Variants in KDM3A observed in about 807,000 individuals in gnomAD.
The protein encoded by KDM3A is lysine-specific demethylase 3A.
In KDM3A, 60 loss-of-function variants were observed where a neutral mutation model predicts 158.0. The observed-to-expected ratio is 0.38, with a 90% confidence interval of 0.31 to 0.47. The LOEUF (loss-of-function observed/expected upper bound fraction) is 0.47, where lower values mean the gene tolerates loss of function less well. KDM3A is among the 20% of genes least tolerant of loss of function. The pLI is 0.99. For missense variants in KDM3A, 1,319 were observed against 1,574.3 expected, an observed-to-expected ratio of 0.84 and a Z score of 2.74; for synonymous variants, 608 against 549.3, an observed-to-expected ratio of 1.11 and a Z score of -1.49.
rs545865755 is a variant in KDM3A, at chr2:86,461,407, A to G, written c.844-2646A>G. Among the ~76,000 whole-genome samples the G allele has an allele frequency of 7.2e-5, 11 of 152,214 alleles. No homozygotes were observed. In the South Asian group the frequency reaches 2.1e-3, roughly 29 times the overall value. ...CCTGTCACTTCAGGTAACTCATAAG[A>G]CTTATTGATTTATAGCTATTTAGAA... is the stretch of plus-strand genomic sequence containing the variant. On this transcript the variant is annotated intron_variant, in intron 8 of 25. Transcript: ENST00000312912.
At chr2:86,454,557 A>G (rs984854034) in intron 4 of KDM3A, among the ~76,000 whole-genome samples, 2 of 152,082 alleles carry the variant, frequency 1.3e-5, no homozygotes, top group African/African-American at 2.4e-5. Flanking sequence ...ATGGTCATCT[A>G]CCCCTGCTAG....
At chr2:86,437,682 T>G (rs1682513554), upstream of KDM3A, among the ~76,000 whole-genome samples, 1 of 152,350 alleles carries the variant, frequency 6.6e-6, no homozygotes, top group South Asian at 2.1e-4. Context: ...ATCTTCTTTA[T>G]ACATGTCAGC....
intron 2 of KDM3A, among the ~76,000 whole-genome samples, chr2:86,448,582 G>C (rs1683044927): frequency 6.6e-6 from 1 of 152,126 alleles, no homozygotes; most frequent in Non-Finnish European, 1.5e-5. Flanking sequence ...ACCTCTCTTG[G>C]GAGAGAGAGG....
chr2:86,491,121 T>G lies in KDM3A; in HGVS notation c.3751-20T>G, dbSNP rs201491398. On this transcript the variant is annotated intron_variant, in intron 24 of 25. Coordinates refer to ENST00000312912, the MANE Select transcript of KDM3A (RefSeq NM_018433.6). Reference sequence around the variant, plus strand: ...TGAACTTTTGGGTTTGTTACTGATATATTACTTGGTGTTTTTCAGGTTCAT... The same window carrying G: ...TGAACTTTTGGGTTTGTTACTGATAGATTACTTGGTGTTTTTCAGGTTCAT... 2 of 1,613,856 alleles carry G rather than the reference T, an allele frequency of 1.2e-6. No homozygotes were observed. The highest frequency in any genetic ancestry group is 8.5e-7 in the Non-Finnish European group (1 of 1,179,798).
intron 12 of KDM3A, among the ~76,000 whole-genome samples, chr2:86,475,996 G>A (rs1274889350): frequency 2.0e-5 from 3 of 152,210 alleles, no homozygotes; most frequent in Admixed American, 6.5e-5. Flanking sequence ...AAAGGGAATT[G>A]CGAGTGCCTG....
At chr2:86,453,608 A>G (rs1233545360) in intron 4 of KDM3A, among the ~76,000 whole-genome samples, 1 of 152,172 alleles carries the variant, frequency 6.6e-6, no homozygotes, top group African/African-American at 2.4e-5. Flanking sequence ...CTTTCCATTG[A>G]TACATACTTT....
chr2:86,439,713 A>G (rs1456055644), upstream of KDM3A, among the ~76,000 whole-genome samples: 1 of 152,108 alleles, frequency 6.6e-6, no homozygotes, highest in Non-Finnish European at 1.5e-5. Context: ...AAAATTTCTC[A>G]TCGTTCATAG....
chr2:86,481,526 T>G (rs1018864854), intron 16 of KDM3A, among the ~76,000 whole-genome samples: 7 of 152,140 alleles, frequency 4.6e-5, no homozygotes, highest in Non-Finnish European at 7.4e-5. Context: ...GTTTCTGTGT[T>G]CAAGAACAAG....
intron 21 of KDM3A, chr2:86,489,103 A>C (rs1036481068): frequency 3.4e-5 from 17 of 501,104 alleles, no homozygotes; most frequent in Non-Finnish European, 5.9e-5. Context: ...TGCTTTAACC[A>C]CTTCCATTTC....
intron 23 of KDM3A, chr2:86,490,519 G>GT (rs1674403123): frequency 6.1e-6 from 1 of 164,734 alleles, no homozygotes; most frequent in African/African-American, 2.4e-5. Context: ...GGACTGTTTC[G>GT]TAAGTCAGAT....
intron 16 of KDM3A, among the ~76,000 whole-genome samples, chr2:86,481,240 T>A (rs189362310): frequency 7.9e-5 from 12 of 152,292 alleles, no homozygotes; most frequent in East Asian, 1.9e-4. Context: ...TGAATTTTTT[T>A]AAAAATTTGT....
rs747679165 is a variant in KDM3A at position 86,463,943 on chromosome 2, A to G, written c.844-110A>G. The G allele has an allele frequency of 7.3e-5, 51 of 698,768 alleles. No homozygotes were observed. Among genetic ancestry groups the G allele is most frequent in the Middle Eastern group, 4.4e-4 (1 of 2,292 alleles). 43.3% of individuals were successfully genotyped at this position (698,768 alleles called of 1,614,324 possible). On this transcript the variant is annotated intron_variant, in intron 8 of 25. Transcript: ENST00000312912. ...CTTTCCTGTTTCTTTTTATTTGGCA[A>G]TGGTATTATGTTTGTTTAGTATTAA...
At chr2:86,458,577 T>C (rs1361092795) in intron 8 of KDM3A, among the ~76,000 whole-genome samples, 2 of 152,026 alleles carry the variant, frequency 1.3e-5, no homozygotes, top group African/African-American at 2.4e-5. Flanking sequence ...TTCCATAGGA[T>C]AGTGAGGGAG....
In KDM3A at chr2:86,489,435, A is replaced by G. The variant is rs769203001; in HGVS notation, c.3431A>G (p.Glu1144Gly). 2.5e-6 allele frequency: 4 copies of G among 1,613,900 alleles called. No individual in the cohort carries two copies. The highest frequency in any genetic ancestry group is 2.5e-6 in the Non-Finnish European group (3 of 1,179,894). The change falls in exon 22 of 26, where the codon GAA (glutamate) becomes GGA (glycine). Residue 1144 changes from glutamate (E) to glycine (G), a missense_variant and splice_region_variant. By Grantham distance (98) the Glu-to-Gly change is moderately conservative. Around this residue, in one of 4 missense-constraint regions of KDM3A, gnomAD observed 186 missense variants for 340.9 expected, o/e 0.55. Coordinates refer to ENST00000312912, the MANE Select transcript of KDM3A (RefSeq NM_018433.6). The stretch of plus-strand genomic sequence containing the variant: ...CCCAAAGGACAGTGTGAGCAAGAAG[A>G]AGGTAGGGTGCTGAGCATAAAAGGA... Reference protein sequence around the residue: ...GIPKGQCEQEEEVLKTIQDGD... With the variant: ...GIPKGQCEQEGEVLKTIQDGD...
chr2:86,442,401 C>T (rs957300250), intron 2 of KDM3A, 168 bp downstream of exon 2: 8 of 655,220 alleles, frequency 1.2e-5, no homozygotes, highest in Middle Eastern at 4.3e-4. Flanking sequence ...TTGTATAGAG[C>T]CGAGTTGTGT....
In KDM3A at chr2:86,464,215, G is replaced by A. The variant is rs1673040809; in HGVS notation, c.1006G>A (p.Gly336Arg). The change falls in exon 9 of 26, where the codon GGA becomes AGA. Residue 336 changes from glycine to arginine, a missense_variant and splice_region_variant. By Grantham distance (125) the Gly-to-Arg change is moderately radical (BLOSUM62 -2). Coordinates refer to ENST00000312912, the MANE Select transcript of KDM3A (RefSeq NM_018433.6). ...TAACCTTGGAGCAAAAATTCCTCAA[G>A]GGTGAGTAGTGATTTGTTAAAGATG... ...PPNLGAKIPQ[G>R]CHKQSLPEEI... is the part of the protein sequence containing the mutation. 2 of 1,576,284 alleles carry A rather than the reference G, an allele frequency of 1.3e-6. No individual in the cohort carries two copies. The highest frequency in any genetic ancestry group is 1.7e-6 in the Non-Finnish European group (2 of 1,160,070).
In KDM3A at chr2:86,466,001, T is replaced by A. The variant is rs116631576; in HGVS notation, c.1008-371T>A. On this transcript the variant is annotated intron_variant, in intron 9 of 25. Coordinates refer to ENST00000312912, the MANE Select transcript of KDM3A (RefSeq NM_018433.6). ...GAATTGCCCCTACACAGACTTCTGG[T>A]TTTGATACTTATAAACCAGCTTATC... Among the ~76,000 whole-genome samples, 349 of 151,698 alleles carry A rather than the reference T, an allele frequency of 2.3e-3. 1 individual carries two copies. The highest frequency in any genetic ancestry group is 7.8e-3 in the African/African-American group (321 of 41,414).
At chr2:86,462,221 C>T (rs1178358692) in intron 8 of KDM3A, among the ~76,000 whole-genome samples, 2 of 150,626 alleles carry the variant, frequency 1.3e-5, no homozygotes, top group Admixed American at 6.6e-5. Flanking sequence ...TTAACTTGAG[C>T]GGCTTGATTT....
chr2:86,492,073 C>T lies in KDM3A; in HGVS notation c.3920C>T (p.Ala1307Val), dbSNP rs1674483565. The T allele has an allele frequency of 1.2e-6, 2 of 1,613,176 alleles. No homozygotes were observed. The highest frequency in any genetic ancestry group is 1.7e-6 in the Non-Finnish European group (2 of 1,179,418). The change falls in exon 26 of 26, where the codon GCA (alanine) becomes GTA (valine). Residue 1307 changes from alanine to valine, a missense_variant. By Grantham distance (64) the Ala-to-Val change is moderately conservative. This residue lies in a region of KDM3A where 186 missense variants were observed against 340.9 expected (regional missense o/e 0.55). Coordinates refer to ENST00000312912, the MANE Select transcript of KDM3A (RefSeq NM_018433.6). ...KNVIYHAVKD[A>V]VAMLKASESS... ...GTTATCTACCATGCAGTGAAAGATG[C>T]AGTTGCTATGCTGAAAGCCAGTGAA... is the stretch of plus-strand genomic sequence containing the variant.
Sources: allele counts gnomAD v4.1 joint callset (sites outside exome capture counted in the v4.1 genomes callset), GRCh38; gene constraint gnomAD v4.1.1; regional missense constraint gnomAD v4.1.1; transcripts MANE v1.5; gene names NCBI Gene and HGNC (gene_info 2026-07-23, HGNC 2026-07-21).